The following OR51A4 variants were observed in gnomAD, a reference collection of about 807,000 sequenced individuals.
OR51A4 encodes the protein olfactory receptor 51A4.
For missense variants in OR51A4, 243 were observed against 364.0 expected, an observed-to-expected ratio of 0.67 and a Z score of 2.70; for synonymous variants, 96 against 141.5, an observed-to-expected ratio of 0.68 and a Z score of 2.28.
rs1435025525 is a variant in OR51A4, at chr11:4,943,426, G to A, written c.*2733C>T. 2 of 454,728 alleles carry A rather than the reference G, an allele frequency of 4.4e-6. No individual in the cohort carries two copies. Among genetic ancestry groups the A allele is most frequent in the African/African-American group, 4.0e-5 (2 of 49,968 alleles). 28.2% of individuals were successfully genotyped at this position (454,728 alleles called of 1,614,324 possible). ...TAGGTGCTGTGTAGGTGAGCTCAAG[G>A]TAATTTGTTTAACCATGGGGCTTAA... On this transcript the variant is annotated 3_prime_UTR_variant, in exon 2 of 2. Transcript: ENST00000641898.
chr11:4,943,402 A>C lies in OR51A4; in HGVS notation c.*2757T>G, dbSNP rs1398022211. ...ACTTCTCTGGTATCAGATTGCCCCT[A>C]GGTGCTGTGTAGGTGAGCTCAAGGT... is the stretch of plus-strand genomic sequence containing the variant. On this transcript the variant is annotated 3_prime_UTR_variant, in exon 2 of 2. Coordinates refer to ENST00000641898, the MANE Select transcript of OR51A4 (RefSeq NM_001005329.2). The C allele has an allele frequency of 3.4e-5, 15 of 446,166 alleles. No homozygotes were observed. Among genetic ancestry groups the C allele is most frequent in the Non-Finnish European group, 6.8e-5 (15 of 221,926 alleles). The allele number at this position is 446,166 out of a possible 1,614,324, so 27.6% of individuals were successfully genotyped here.
rs1461213238 is a variant in OR51A4 at position 4,943,516 on chromosome 11, T to C, written c.*2643A>G. On this transcript the variant is annotated 3_prime_UTR_variant, in exon 2 of 2. Transcript: ENST00000641898. Reference sequence around the variant, plus strand: ...TTTAATGCTTGGCACCACTGACATTTTGTGCTAGATAATTCTTTTGGGTAA... The same window carrying C: ...TTTAATGCTTGGCACCACTGACATTCTGTGCTAGATAATTCTTTTGGGTAA... 1 of 456,074 alleles carries C rather than the reference T, an allele frequency of 2.2e-6. No individual in the cohort carries two copies. Among genetic ancestry groups the C allele is most frequent in the East Asian group, 7.0e-5 (1 of 14,388 alleles). The allele number at this position is 456,074 out of a possible 1,614,324, so 28.3% of individuals were successfully genotyped here.
chr11:4,946,978 A>G lies in OR51A4; in HGVS notation c.123T>C (p.Ile41=). ...TAAAAAGAATGGTGCCATTTCCTAG[A>G]ATAGCAATAAGATACATGCTGCAGA... ...IPICSMYLIA[I]LGNGTILFII... The change falls in exon 2 of 2, where the codon ATT becomes ATC. Residue 41 remains isoleucine, a synonymous_variant. Coordinates refer to ENST00000641898, the MANE Select transcript of OR51A4 (RefSeq NM_001005329.2). 6.2e-7 allele frequency: 1 copy of G among 1,600,374 alleles called. No homozygotes were observed. The highest frequency in any genetic ancestry group is 8.5e-7 in the Non-Finnish European group (1 of 1,172,620).
rs948522776 is a variant in OR51A4, at chr11:4,943,535, T to G, written c.*2624A>C. Reference sequence around the variant, plus strand: ...GACATTTTGTGCTAGATAATTCTTTTGGGTAAGGGCTATCCTGTACATTAA... The same window carrying G: ...GACATTTTGTGCTAGATAATTCTTTGGGGTAAGGGCTATCCTGTACATTAA... On this transcript the variant is annotated 3_prime_UTR_variant, in exon 2 of 2. Coordinates refer to ENST00000641898, the MANE Select transcript of OR51A4 (RefSeq NM_001005329.2). 7 of 455,668 alleles carry G rather than the reference T, an allele frequency of 1.5e-5. No homozygotes were observed. The highest frequency in any genetic ancestry group is 3.1e-5 in the Non-Finnish European group (7 of 226,404). 28.2% of individuals were successfully genotyped at this position (455,668 alleles called of 1,614,324 possible).
chr11:4,946,750 G>A lies in OR51A4; in HGVS notation c.351C>T (p.Leu117=), dbSNP rs144450018. 3.5e-4 allele frequency: 551 copies of A among 1,588,156 alleles called. No homozygotes were observed. Among genetic ancestry groups the A allele is most frequent in the Middle Eastern group, 1.7e-3 (10 of 5,882 alleles). Residue 117 remains leucine, a synonymous_variant, in exon 2 of 2, where the codon CTC becomes CTT. Transcript: ENST00000641898. ...HGFSVLESSV[L]LIMSFDRFLA... ...GGAATCTATCAAATGACATGATCAG[G>A]AGGACTGAGGACTCCAGTACTGAGA... is the stretch of plus-strand genomic sequence containing the variant.
rs985711663 is a variant in OR51A4, at chr11:4,944,221, G to C, written c.*1938C>G. On this transcript the variant is annotated 3_prime_UTR_variant, in exon 2 of 2. Transcript: ENST00000641898. ...CTAGGATAGGTTTGTGAAAACATACGTAGTCCTGAATTTAAAAACTAAAAT... is the reference window on the plus strand; with the variant it reads ...CTAGGATAGGTTTGTGAAAACATACCTAGTCCTGAATTTAAAAACTAAAAT... 1 of 387,858 alleles carries C rather than the reference G, an allele frequency of 2.6e-6. No homozygotes were observed. The highest frequency in any genetic ancestry group is 5.0e-6 in the Non-Finnish European group (1 of 199,796). The allele number at this position is 387,858 out of a possible 1,614,324, so 24.0% of individuals were successfully genotyped here.
At position 4,944,417 on chromosome 11, in the gene OR51A4, AT is replaced by A. The variant is rs1332872383; in HGVS notation, c.*1741del. 1 of 159,972 alleles carries A rather than the reference AT, an allele frequency of 6.3e-6. No individual in the cohort carries two copies. Among genetic ancestry groups the A allele is most frequent in the Non-Finnish European group, 1.4e-5 (1 of 73,354 alleles). 9.9% of individuals were successfully genotyped at this position (159,972 alleles called of 1,614,324 possible). On this transcript the variant is annotated 3_prime_UTR_variant, in exon 2 of 2. Coordinates refer to ENST00000641898, the MANE Select transcript of OR51A4 (RefSeq NM_001005329.2). ...AAAGCTGGGTCATTGTTGAGAGCAAATTTTTAAAATGCCTAAAAAGACCTGG... is the reference window on the plus strand; with the variant it reads ...AAAGCTGGGTCATTGTTGAGAGCAAATTTTAAAATGCCTAAAAAGACCTGG...
In OR51A4 at chr11:4,944,399, G is replaced by A. The variant is rs1346902703; in HGVS notation, c.*1760C>T. The A allele has an allele frequency of 2.4e-5, 4 of 163,552 alleles. No individual in the cohort carries two copies. The highest frequency in any genetic ancestry group is 5.3e-5 in the Non-Finnish European group (4 of 75,728). The allele number at this position is 163,552 out of a possible 1,614,324, so 10.1% of individuals were successfully genotyped here. ...GGAAAAAACCTTTTATAAAAAGCTG[G>A]GTCATTGTTGAGAGCAAATTTTTAA... is the stretch of plus-strand genomic sequence containing the variant. On this transcript the variant is annotated 3_prime_UTR_variant, in exon 2 of 2. Coordinates refer to ENST00000641898, the MANE Select transcript of OR51A4 (RefSeq NM_001005329.2).
rs374624109 is a variant in OR51A4 at position 4,946,337 on chromosome 11, G to A, written c.764C>T (p.Pro255Leu). The part of the protein sequence containing the change: ...HICAVIIFYL[P>L]IINLAVVHRF... ...GTGGACAACGGCCAGGTTGATGATG[G>A]GCAGGTAGAAGATGATCACTGCACA... is the stretch of plus-strand genomic sequence containing the variant. Residue 255 changes from proline (P) to leucine (L), a missense_variant, in exon 2 of 2, where the codon CCC becomes CTC. Coordinates refer to ENST00000641898, the MANE Select transcript of OR51A4 (RefSeq NM_001005329.2). 20 of 1,613,710 alleles carry A rather than the reference G, an allele frequency of 1.2e-5. No individual in the cohort carries two copies. The highest frequency in any genetic ancestry group is 1.5e-5 in the Non-Finnish European group (18 of 1,179,998).
At position 4,946,527 on chromosome 11, in the gene OR51A4, A is replaced by G; in HGVS notation, c.574T>C (p.Ser192Pro). ...LHQDVMKLAC[S>P]DNRIDVIYGF... ...TAGATAACATCAATTCTGTTGTCAG[A>G]ACAGGCCAACTTCATGACATCCTGG... The change falls in exon 2 of 2, where the codon TCT becomes CCT. Residue 192 changes from serine (S) to proline (P), a missense_variant. By Grantham distance (74) the Ser-to-Pro change is moderately conservative. Coordinates refer to ENST00000641898, the MANE Select transcript of OR51A4 (RefSeq NM_001005329.2). The G allele has an allele frequency of 6.2e-7, 1 of 1,605,646 alleles. No homozygotes were observed. The highest frequency in any genetic ancestry group is 1.7e-5 in the Admixed American group (1 of 59,792).
Position 4,945,975 on chromosome 11 carries a change from A to C in OR51A4, c.*184T>G, listed in dbSNP as rs1279053610. 1 of 622,082 alleles carries C rather than the reference A, an allele frequency of 1.6e-6. No individual in the cohort carries two copies. The highest frequency in any genetic ancestry group is 1.9e-5 in the African/African-American group (1 of 53,690). 38.5% of individuals were successfully genotyped at this position (622,082 alleles called of 1,614,324 possible). A position where few individuals can be genotyped will look rare whatever the true frequency, so the allele number is the denominator to read the frequency against. ...TTTATTCTGCTTAACTGAAATGGGGACATAAGGCAACGTACTTCCTGTTTA... is the reference window on the plus strand; with the variant it reads ...TTTATTCTGCTTAACTGAAATGGGGCCATAAGGCAACGTACTTCCTGTTTA... On this transcript the variant is annotated 3_prime_UTR_variant, in exon 2 of 2. Coordinates refer to ENST00000641898, the MANE Select transcript of OR51A4 (RefSeq NM_001005329.2).
chr11:4,946,248 G>C lies in OR51A4; in HGVS notation c.853C>G (p.Pro285Ala). The change falls in exon 2 of 2, where the codon CCT (proline) becomes GCT (alanine). Residue 285 changes from proline to alanine, a missense_variant. By Grantham distance (27) the Pro-to-Ala change is conservative. Transcript: ENST00000641898. ...VLMANVLLLV[P>A]PLTNPIVYCV... The stretch of plus-strand genomic sequence containing the variant: ...TAAACAATTGGGTTCGTCAGTGGAG[G>C]TACAAGTAGGAGAACATTTGCCATG... 6.2e-7 allele frequency: 1 copy of C among 1,613,986 alleles called. No individual in the cohort carries two copies. Among genetic ancestry groups the C allele is most frequent in the Admixed American group, 1.7e-5 (1 of 60,006 alleles).
Position 4,946,456 on chromosome 11 carries a change from A to T in OR51A4, c.645T>A (p.Ile215=). ...ALCLMVDFIL[I]AVSYTLILKT... ...TGAGGATCAGGGTGTAAGACACAGCAATGAGAATAAAGTCTACCATAAGGC... is the reference window on the plus strand; with the variant it reads ...TGAGGATCAGGGTGTAAGACACAGCTATGAGAATAAAGTCTACCATAAGGC... Residue 215 remains isoleucine (I), a synonymous_variant, in exon 2 of 2, where the codon ATT becomes ATA. Coordinates refer to ENST00000641898, the MANE Select transcript of OR51A4 (RefSeq NM_001005329.2). 1 of 1,609,562 alleles carries T rather than the reference A, an allele frequency of 6.2e-7. No individual in the cohort carries two copies. The highest frequency in any genetic ancestry group is 8.5e-7 in the Non-Finnish European group (1 of 1,176,536).
Position 4,943,338 on chromosome 11 carries a change from T to C in OR51A4, c.*2821A>G, listed in dbSNP as rs548454498. ...TTTAACATCTCTCAAGTGAAGTCTTTCAGTTTTCTCAGTTTTTCACTGGTT... is the reference window on the plus strand; with the variant it reads ...TTTAACATCTCTCAAGTGAAGTCTTCCAGTTTTCTCAGTTTTTCACTGGTT... On this transcript the variant is annotated 3_prime_UTR_variant, in exon 2 of 2. Transcript: ENST00000641898. 2 of 344,484 alleles carry C rather than the reference T, an allele frequency of 5.8e-6. No individual in the cohort carries two copies. Among genetic ancestry groups the C allele is most frequent in the East Asian group, 7.6e-5 (1 of 13,096 alleles). The allele number at this position is 344,484 out of a possible 1,614,324, so 21.3% of individuals were successfully genotyped here.
rs185843246 is a variant in OR51A4 at position 4,947,302 on chromosome 11, A to G, written c.-62-140T>C. The stretch of plus-strand genomic sequence containing the variant: ...GCTTTGGACTATAATCTGTCGTATA[A>G]TACATTGGAAAAATTATTTCTGGAC... On this transcript the variant is annotated intron_variant, in intron 1 of 1. Coordinates refer to ENST00000641898, the MANE Select transcript of OR51A4 (RefSeq NM_001005329.2). 212 of 393,584 alleles carry G rather than the reference A, an allele frequency of 5.4e-4. 46 individuals are homozygous for G. The highest frequency in any genetic ancestry group is 4.5e-3 in the Middle Eastern group (7 of 1,554). 24.4% of individuals were successfully genotyped at this position (393,584 alleles called of 1,614,324 possible).
At position 4,945,916 on chromosome 11, in the gene OR51A4, C is replaced by T. The variant is rs10837000; in HGVS notation, c.*243G>A. 0.062 allele frequency: 30,600 copies of T among 496,968 alleles called. 1,505 individuals are homozygous for T. The highest frequency in any genetic ancestry group is 0.18 in the East Asian group (5,172 of 28,172). The allele number at this position is 496,968 out of a possible 1,614,324, so 30.8% of individuals were successfully genotyped here. On this transcript the variant is annotated 3_prime_UTR_variant, in exon 2 of 2. Coordinates refer to ENST00000641898, the MANE Select transcript of OR51A4 (RefSeq NM_001005329.2). ...TTTCTGTCTTGGTTGTAATTTGTTG[C>T]TTGTATCGGAGATGCTATCATAAGA... is the stretch of plus-strand genomic sequence containing the variant.
rs1333899361 is a variant in OR51A4, at chr11:4,945,958, G to A, written c.*201C>T. 1.2e-5 allele frequency: 7 copies of A among 588,938 alleles called. No individual in the cohort carries two copies. In the Admixed American group the frequency reaches 2.2e-4, roughly 18 times the overall value. The allele number at this position is 588,938 out of a possible 1,614,324, so 36.5% of individuals were successfully genotyped here. On this transcript the variant is annotated 3_prime_UTR_variant, in exon 2 of 2. Coordinates refer to ENST00000641898, the MANE Select transcript of OR51A4 (RefSeq NM_001005329.2). Reference sequence around the variant, plus strand: ...ATCATAAGACATTTATTTTTATTCTGCTTAACTGAAATGGGGACATAAGGC... The same window carrying A: ...ATCATAAGACATTTATTTTTATTCTACTTAACTGAAATGGGGACATAAGGC...
In OR51A4 at chr11:4,943,116, GTGTTCCATCCCTTACAA is replaced by G. The variant is rs1846239911; in HGVS notation, c.*3026_*3042del. ...CCCCTTCGTCCCTTATAATTTTGTA[GTGTTCCATCCCTTACAA>G]TGTTTTCCCACAAACCTCTCACAAA... is the stretch of plus-strand genomic sequence containing the variant. On this transcript the variant is annotated 3_prime_UTR_variant, in exon 2 of 2. Transcript: ENST00000641898. 6.0e-6 allele frequency: 1 copy of G among 165,870 alleles called. No individual in the cohort carries two copies. Among genetic ancestry groups the G allele is most frequent in the African/African-American group, 2.4e-5 (1 of 41,602 alleles). 10.3% of individuals were successfully genotyped at this position (165,870 alleles called of 1,614,324 possible).
chr11:4,947,184 A>G lies in OR51A4; in HGVS notation c.-62-22T>C. On this transcript the variant is annotated intron_variant, in intron 1 of 1. Coordinates refer to ENST00000641898, the MANE Select transcript of OR51A4 (RefSeq NM_001005329.2). ...ATATCTGTAAATTTAGTAGAAAAAA[A>G]GCAGTGTTAAAATTTGTGGCTTCTT... 3.1e-6 allele frequency: 3 copies of G among 980,536 alleles called. 1 individual carries two copies. The highest frequency in any genetic ancestry group is 3.3e-5 in the South Asian group (2 of 60,194). The allele number at this position is 980,536 out of a possible 1,614,324, so 60.7% of individuals were successfully genotyped here. A position where few individuals can be genotyped will look rare whatever the true frequency, so the allele number is the denominator to read the frequency against.
Sources: gnomAD v4.1 joint callset for allele counts on GRCh38, gnomAD v4.1.1 for gene constraint, MANE v1.5 for transcripts, NCBI Gene and HGNC (gene_info 2026-07-23, HGNC 2026-07-21) for gene names.